The following CFAP73 variants were observed in gnomAD, a reference collection of about 807,000 sequenced individuals.
CFAP73 encodes cilia and flagella associated protein 73.
In CFAP73, 33 loss-of-function variants were observed where a neutral mutation model predicts 42.9. The ratio of observed to expected loss-of-function variants is 0.77; its 90% confidence interval spans 0.58 to 1.03. CFAP73 has a LOEUF of 1.03. Ranked by LOEUF, CFAP73 falls within the 50% of genes least tolerant of loss-of-function variation. CFAP73 has a pLI of 0.00. For missense variants in CFAP73, 392 were observed against 411.9 expected (o/e 0.95, Z 0.42); for synonymous variants, 162 against 186.8 (o/e 0.87, Z 1.08).
At position 113,153,195 on chromosome 12, in the gene CFAP73, C is replaced by T; in HGVS notation, c.268-13C>T. On this transcript the variant is annotated splice_polypyrimidine_tract_variant and intron_variant, in intron 3 of 7. Transcript: ENST00000335621. ...AGTCCTGAAGGTCGTCTTCTCCCCA[C>T]CGTACTCCCCAGGACTCCGAGGCCC... 1 of 1,508,184 alleles carries T rather than the reference C, an allele frequency of 6.6e-7. No individual in the cohort carries two copies. The highest frequency in any genetic ancestry group is 8.8e-7 in the Non-Finnish European group (1 of 1,134,870). The allele number at this position is 1,508,184 out of a possible 1,614,324, so 93.4% of individuals were successfully genotyped here.
In CFAP73 at chr12:113,158,719, C is replaced by G. The variant is rs1952166655; in HGVS notation, c.*30C>G. On this transcript the variant is annotated 3_prime_UTR_variant, in exon 8 of 8. Transcript: ENST00000335621. This position sits in a 1 kb window ranked among gnomAD's most constrained non-coding sequence, Gnocchi z 4.9. The stretch of plus-strand genomic sequence containing the variant: ...GTCTTAGGCTGACGCAGCTGCTGCC[C>G]TTCTGTGGCCATACAGTGCTCCTTT... The G allele has an allele frequency of 7.6e-6, 6 of 793,568 alleles. No individual in the cohort carries two copies. The South Asian group carries it at 1.3e-4, about 17-fold the overall frequency. 49.2% of individuals were successfully genotyped at this position (793,568 alleles called of 1,614,324 possible).
At chr12:113,152,713 G>GT in intron 2 of CFAP73, 70 bp from the exon 3 acceptor site, 2 of 1,070,172 alleles carry the variant, frequency 1.9e-6, no homozygotes, top group Non-Finnish European at 2.8e-6. Context: ...AAGGGGTTAG[G>GT]TGTGAACCTG....
At chr12:113,152,734 A>T in intron 2 of CFAP73, 49 bp from the exon 3 acceptor site, 1 of 1,335,980 alleles carries the variant, frequency 7.5e-7, no homozygotes, top group Non-Finnish European at 1.1e-6. Flanking sequence ...ACAGCATGGG[A>T]GGACCCGGAC....
At chr12:113,153,160 C>A in intron 3 of CFAP73, 48 bp from the exon 4 acceptor site, 1 of 1,428,500 alleles carries the variant, frequency 7.0e-7, no homozygotes, top group South Asian at 1.5e-5. Flanking sequence ...GAACTCCCCG[C>A]CAGCTCCTGA....
At chr12:113,151,819 G>C in intron 1 of CFAP73, 99 bp from the exon 2 acceptor site, 1 of 680,982 alleles carries the variant, frequency 1.5e-6, no homozygotes, top group Non-Finnish European at 2.4e-6. Context: ...AAATTAAACA[G>C]CCAGCAGGTG....
chr12:113,155,407 CAGCTAG>C lies in CFAP73; in HGVS notation c.842_847del (p.Leu281_Glu282del). 6.5e-7 allele frequency: 1 copy of C among 1,549,402 alleles called. No individual in the cohort carries two copies. Among genetic ancestry groups the C allele is most frequent in the African/African-American group, 1.4e-5 (1 of 73,082 alleles). On this transcript the variant is annotated inframe_deletion, in exon 6 of 8. Transcript: ENST00000335621. ...CCTGGACATCGAGGACACGGAGGGA[CAGCTAG>C]AGCACGTGAGGACCCCTCTTTATGG...
chr12:113,152,719 A>T, intron 2 of CFAP73, 64 bp from the exon 3 acceptor site: 1 of 1,168,208 alleles, frequency 8.6e-7, no homozygotes, highest in Non-Finnish European at 1.3e-6. Flanking sequence ...TTAGGTGTGA[A>T]CCTGACAGCA....
At position 113,154,235 on chromosome 12, in the gene CFAP73, G is replaced by A. The variant is rs1422549969; in HGVS notation, c.469-179G>A. Among the ~76,000 whole-genome samples, 2 of 152,174 alleles carry A rather than the reference G, an allele frequency of 1.3e-5. No individual in the cohort carries two copies. Among genetic ancestry groups the A allele is most frequent in the Non-Finnish European group, 2.9e-5 (2 of 68,028 alleles). On this transcript the variant is annotated intron_variant, in intron 4 of 7. Coordinates refer to ENST00000335621, the MANE Select transcript of CFAP73 (RefSeq NM_001144872.3). The surrounding 1 kb of genome is among the most constrained non-coding windows in gnomAD (Gnocchi z 4.7). The stretch of plus-strand genomic sequence containing the variant: ...CAAGATGACAGTGAGCTATGATCGC[G>A]CCACTGCACTCCAGCCCAGGTGACA...
chr12:113,153,889 C>T (rs1270767644), intron 4 of CFAP73, among the ~76,000 whole-genome samples: 1 of 152,144 alleles, frequency 6.6e-6, no homozygotes, highest in Non-Finnish European at 1.5e-5. Context: ...TGTGAGCCAC[C>T]GCCCACGCTT....
rs1319966386 is a variant in CFAP73 at position 113,154,960 on chromosome 12, A to G, written c.691-300A>G. On this transcript the variant is annotated intron_variant, in intron 5 of 7. Coordinates refer to ENST00000335621, the MANE Select transcript of CFAP73 (RefSeq NM_001144872.3). This position sits in a 1 kb window ranked among gnomAD's most constrained non-coding sequence, Gnocchi z 4.7. ...CGAAAGGGGCGGATCACCTCAGGTC[A>G]TGAGTTCGAGACCAGCCTGGCCAAC... Among the ~76,000 whole-genome samples the G allele has an allele frequency of 2.0e-5, 3 of 152,224 alleles. No individual in the cohort carries two copies. Among genetic ancestry groups the G allele is most frequent in the Non-Finnish European group, 2.9e-5 (2 of 68,032 alleles).
rs1269384822 is a variant in CFAP73, at chr12:113,155,358, C to T, written c.789C>T (p.Cys263=). ...TGCTCAACCTGTTCCAGCTAGTGTG[C>T]CAGCATCAGGGGCAGCCTCCCACCC... ...MAVLNLFQLV[C]QHQGQPPTLD... Residue 263 remains cysteine (C), a synonymous_variant, in exon 6 of 8, where the codon TGC becomes TGT. Transcript: ENST00000335621. 4 of 1,551,362 alleles carry T rather than the reference C, an allele frequency of 2.6e-6. No individual in the cohort carries two copies. The highest frequency in any genetic ancestry group is 2.0e-5 in the Admixed American group (1 of 50,988).
chr12:113,159,239 T>C lies in CFAP73; in HGVS notation c.*550T>C, dbSNP rs1361728621. ...GCTTATTGCTGTGGCCCAGTGTCTG[T>C]ACACAGTAGGTGGCTAATAAAGTTT... On this transcript the variant is annotated 3_prime_UTR_variant, in exon 8 of 8. Coordinates refer to ENST00000335621, the MANE Select transcript of CFAP73 (RefSeq NM_001144872.3). 19 of 1,032,752 alleles carry C rather than the reference T, an allele frequency of 1.8e-5. No homozygotes were observed. Among genetic ancestry groups the C allele is most frequent in the South Asian group, 5.2e-5 (3 of 58,232 alleles). The allele number at this position is 1,032,752 out of a possible 1,614,324, so 64.0% of individuals were successfully genotyped here.
intron 3 of CFAP73, 120 bp downstream of exon 3, chr12:113,153,007 G>A: frequency 1.2e-6 from 1 of 856,982 alleles, no homozygotes; most frequent in Non-Finnish European, 1.8e-6. Context: ...GGAAACGGCG[G>A]GAAACACACA....
rs376718361 is a variant in CFAP73, at chr12:113,159,020, G to A, written c.*331G>A. On this transcript the variant is annotated 3_prime_UTR_variant, in exon 8 of 8. Coordinates refer to ENST00000335621, the MANE Select transcript of CFAP73 (RefSeq NM_001144872.3). ...TGCAGGAAGTGCAGCTTCTGGGCCC[G>A]GCGCCGCTGCTTCAGGATCTGCTGC... is the stretch of plus-strand genomic sequence containing the variant. 8 of 1,611,640 alleles carry A rather than the reference G, an allele frequency of 5.0e-6. No homozygotes were observed. Among genetic ancestry groups the A allele is most frequent in the Middle Eastern group, 1.7e-4 (1 of 6,020 alleles).
chr12:113,158,774 C>A lies in CFAP73; in HGVS notation c.*85C>A. ...AGATGATGGCTCCTGCAGGGAGTGC[C>A]CCCAGTGCCCAGCACAGGGCCAGGC... On this transcript the variant is annotated 3_prime_UTR_variant, in exon 8 of 8. Transcript: ENST00000335621. This position sits in a 1 kb window ranked among gnomAD's most constrained non-coding sequence, Gnocchi z 4.9. 4 of 1,276,728 alleles carry A rather than the reference C, an allele frequency of 3.1e-6. No homozygotes were observed. The highest frequency in any genetic ancestry group is 3.2e-6 in the Non-Finnish European group (3 of 936,594). 79.1% of individuals were successfully genotyped at this position (1,276,728 alleles called of 1,614,324 possible).
chr12:113,149,966 G>A lies in CFAP73; in HGVS notation c.56+53G>A. Reference sequence around the variant, plus strand: ...CTAGAAGGAGGGCGGGAATGCGTGGGCTGGCCCATCCTTTCTTCCTCACCT... The same window carrying A: ...CTAGAAGGAGGGCGGGAATGCGTGGACTGGCCCATCCTTTCTTCCTCACCT... On this transcript the variant is annotated intron_variant, in intron 1 of 7. Transcript: ENST00000335621. 5 of 1,521,798 alleles carry A rather than the reference G, an allele frequency of 3.3e-6. No individual in the cohort carries two copies. In the South Asian group the frequency reaches 3.6e-5, roughly 11 times the overall value. The allele number at this position is 1,521,798 out of a possible 1,614,324, so 94.3% of individuals were successfully genotyped here.
Position 113,154,524 on chromosome 12 carries a change from G to T in CFAP73, c.579G>T (p.Ala193=). 1 of 1,506,938 alleles carries T rather than the reference G, an allele frequency of 6.6e-7. No homozygotes were observed. 93.3% of individuals were successfully genotyped at this position (1,506,938 alleles called of 1,614,324 possible). The change falls in exon 5 of 8, where the codon GCG becomes GCT. Residue 193 remains alanine, a synonymous_variant. Coordinates refer to ENST00000335621, the MANE Select transcript of CFAP73 (RefSeq NM_001144872.3). This position sits in a 1 kb window ranked among gnomAD's most constrained non-coding sequence, Gnocchi z 4.7. ...EQLAELEAAR[A]RLQQLRDAWP... ...TCGCGGAGCTGGAGGCGGCGCGAGC[G>T]CGGCTGCAGCAGCTGCGGGACGCCT... is the stretch of plus-strand genomic sequence containing the variant.
Position 113,158,364 on chromosome 12 carries a change from C to T in CFAP73, c.*12-337C>T, listed in dbSNP as rs936995531. 5 of 153,592 alleles carry T rather than the reference C, an allele frequency of 3.3e-5. No individual in the cohort carries two copies. The highest frequency in any genetic ancestry group is 7.2e-5 in the African/African-American group (3 of 41,490). The allele number at this position is 153,592 out of a possible 1,614,324, so 9.5% of individuals were successfully genotyped here. Reference sequence around the variant, plus strand: ...GTGCTCTGAGCTTCACTTTCCTCATCGCTAAATGGACAAGGCAGCAGAACT... The same window carrying T: ...GTGCTCTGAGCTTCACTTTCCTCATTGCTAAATGGACAAGGCAGCAGAACT... On this transcript the variant is annotated intron_variant, in intron 7 of 7. Transcript: ENST00000335621. This position sits in a 1 kb window ranked among gnomAD's most constrained non-coding sequence, Gnocchi z 4.9.
At position 113,149,746 on chromosome 12, in the gene CFAP73, C is replaced by G; in HGVS notation, c.-112C>G. On this transcript the variant is annotated 5_prime_UTR_variant, in exon 1 of 8. Coordinates refer to ENST00000335621, the MANE Select transcript of CFAP73 (RefSeq NM_001144872.3). ...ACCAGAGCCTGCTGGTGGCTGCCTTCTGGGCCGAGCTGAGCAGGCTTCCAC... is the reference window on the plus strand; with the variant it reads ...ACCAGAGCCTGCTGGTGGCTGCCTTGTGGGCCGAGCTGAGCAGGCTTCCAC... The G allele has an allele frequency of 9.0e-7, 1 of 1,108,666 alleles. No homozygotes were observed. Among genetic ancestry groups the G allele is most frequent in the Non-Finnish European group, 1.3e-6 (1 of 763,226 alleles). 68.7% of individuals were successfully genotyped at this position (1,108,666 alleles called of 1,614,324 possible). A position where few individuals can be genotyped will look rare whatever the true frequency, so the allele number is the denominator to read the frequency against.
Sources: allele counts gnomAD v4.1 joint callset (sites outside exome capture counted in the v4.1 genomes callset), GRCh38; gene constraint gnomAD v4.1.1; non-coding constraint Gnocchi (gnomAD v3.1); transcripts MANE v1.5; gene names NCBI Gene and HGNC (gene_info 2026-07-23, HGNC 2026-07-21).